Variants in TULP3 observed in about 807,000 individuals in gnomAD.
TULP3 encodes TUB like protein 3, also known as tubby-related protein 3.
A neutral mutation model predicts 50.7 loss-of-function variants in TULP3; 38 were observed. The observed-to-expected ratio is 0.75, with a 90% CI of 0.58 to 0.98. The LOEUF (loss-of-function observed/expected upper bound fraction) is 0.98, where lower values mean the gene tolerates loss of function less well. Ranked by LOEUF, TULP3 falls within the 50% of genes least tolerant of loss-of-function variation. TULP3 has a pLI of 0.00. For synonymous variants in TULP3, 183 were observed against 196.6 expected, an observed-to-expected ratio of 0.93 and a Z score of 0.58; for missense variants, 550 against 568.0, an observed-to-expected ratio of 0.97 and a Z score of 0.32.
At chr12:2,931,737 C>CAAATTAATA (rs2098198172) in intron 6 of TULP3, among the ~76,000 whole-genome samples, 1 of 152,082 alleles carries the variant, frequency 6.6e-6, no homozygotes, top group Non-Finnish European at 1.5e-5. Flanking sequence ...TGTATTAATA[C>CAAATTAATA]CAGGTCTTAA....
chr12:2,906,021 A>AG (rs2153948558), intron 1 of TULP3, among the ~76,000 whole-genome samples: 1 of 86,022 alleles, frequency 1.2e-5, no homozygotes, highest in African/African-American at 5.2e-5. Context: ...GACCCTGTGT[A>AG]AAAAAAAAAA....
Position 2,908,531 on chromosome 12 carries a change from T to C in TULP3, c.42-998T>C, listed in dbSNP as rs1033170795. 1.1e-4 allele frequency among the ~76,000 whole-genome samples: 17 copies of C among 152,268 alleles called. No homozygotes were observed. In the East Asian group the frequency reaches 1.2e-3, roughly 10 times the overall value. Reference sequence around the variant, plus strand: ...TTCTCCACCTCCCCGGTTCAAGCGATTCTCCTGCCTCAGTTCCTGAATAGC... The same window carrying C: ...TTCTCCACCTCCCCGGTTCAAGCGACTCTCCTGCCTCAGTTCCTGAATAGC... On this transcript the variant is annotated intron_variant, in intron 1 of 10. Transcript: ENST00000448120.
chr12:2,902,351 G>A (rs1341819692), intron 1 of TULP3, among the ~76,000 whole-genome samples: 1 of 152,190 alleles, frequency 6.6e-6, no homozygotes, highest in African/African-American at 2.4e-5. Flanking sequence ...AAAGCAACGG[G>A]CTGCTCACAG....
Position 2,939,316 on chromosome 12 carries a change from T to C in TULP3, c.1201T>C (p.Tyr401His), listed in dbSNP as rs570648183. Residue 401 changes from tyrosine to histidine, a missense_variant, in exon 11 of 11, where the codon TAT becomes CAT. Tyr to His is a moderately conservative substitution (Grantham distance 83, BLOSUM62 2). Coordinates refer to ENST00000448120, the MANE Select transcript of TULP3 (RefSeq NM_003324.5). The surrounding 1 kb of genome is among the most constrained non-coding windows in gnomAD (Gnocchi z 4.0). ...TGATTTCTTTCTGTTTCTAGCTGAT[T>C]ATATAGTCATGCAGTTTGGACGTGT... ...FQIVHKNDPD[Y>H]IVMQFGRVAD... 3.7e-6 allele frequency: 6 copies of C among 1,614,080 alleles called. No homozygotes were observed. In the South Asian group the frequency reaches 4.4e-5, roughly 12 times the overall value.
At chr12:2,920,667 T>C in intron 2 of TULP3, 96 bp from the exon 3 acceptor site, 2 of 1,433,896 alleles carry the variant, frequency 1.4e-6, no homozygotes, top group Non-Finnish European at 1.9e-6. Context: ...TACAAGATGT[T>C]TTGTGAGGAT....
At chr12:2,923,952 G>C (rs2098193288) in intron 4 of TULP3, among the ~76,000 whole-genome samples, 1 of 152,134 alleles carries the variant, frequency 6.6e-6, no homozygotes, top group Admixed American at 6.6e-5. Context: ...CTGCACTCCA[G>C]CCTGGGTTAC....
rs540394196 is a variant in TULP3 at position 2,910,694 on chromosome 12, G to A, written c.93+1114G>A. Among the ~76,000 whole-genome samples the A allele has an allele frequency of 3.9e-5, 6 of 152,210 alleles. No homozygotes were observed. The East Asian group carries it at 9.6e-4, about 24-fold the overall frequency. The stretch of plus-strand genomic sequence containing the variant: ...GTCTTCTCTTCTTTATGTGGTTGGT[G>A]GAACTAATAATGGGACTTCTAGCCT... On this transcript the variant is annotated intron_variant, in intron 2 of 10. Coordinates refer to ENST00000448120, the MANE Select transcript of TULP3 (RefSeq NM_003324.5).
At position 2,939,883 on chromosome 12, in the gene TULP3, G is replaced by A. The variant is rs986319406; in HGVS notation, c.*439G>A. 8.1e-7 allele frequency: 1 copy of A among 1,228,738 alleles called. No homozygotes were observed. The highest frequency in any genetic ancestry group is 1.0e-6 in the Non-Finnish European group (1 of 957,092). The allele number at this position is 1,228,738 out of a possible 1,614,324, so 76.1% of individuals were successfully genotyped here. On this transcript the variant is annotated 3_prime_UTR_variant, in exon 11 of 11. Transcript: ENST00000448120. This position sits in a 1 kb window ranked among gnomAD's most constrained non-coding sequence, Gnocchi z 4.0. ...TGAGGGATCACAGCTTAGCATGGGT[G>A]AGAGATGATTTAAAGCACAGGGAGA...
In TULP3 at chr12:2,940,948, A is replaced by G. The variant is rs943334353; in HGVS notation, c.*1504A>G. 9.5e-6 allele frequency: 5 copies of G among 528,238 alleles called. No homozygotes were observed. Among genetic ancestry groups the G allele is most frequent in the African/African-American group, 1.9e-5 (1 of 52,052 alleles). The allele number at this position is 528,238 out of a possible 1,614,324, so 32.7% of individuals were successfully genotyped here. On this transcript the variant is annotated 3_prime_UTR_variant, in exon 11 of 11. Transcript: ENST00000448120. ...ACCCTGGTTGGCCACAGAAGCTATT[A>G]ATACACGACAGCATGTGGGGAAGGA...
intron 6 of TULP3, among the ~76,000 whole-genome samples, chr12:2,932,298 G>A (rs2098198524): frequency 1.3e-5 from 2 of 152,124 alleles, no homozygotes; most frequent in Admixed American, 1.3e-4. Flanking sequence ...GCTATCACAG[G>A]CCAGGTGCGG....
intron 1 of TULP3, among the ~76,000 whole-genome samples, chr12:2,900,839 A>G (rs2098178746): frequency 6.7e-6 from 1 of 149,910 alleles, no homozygotes; most frequent in South Asian, 2.1e-4. Context: ...CCTCCCAAGT[A>G]GCTGGAACTA....
intron 4 of TULP3, 49 bp downstream of exon 4, chr12:2,922,451 T>C (rs772735897): frequency 6.3e-7 from 1 of 1,582,472 alleles, no homozygotes; most frequent in Non-Finnish European, 8.6e-7. Context: ...TACTCAATTG[T>C]AATCTTTTCC....
Position 2,890,923 on chromosome 12 carries a change from GGT to G in TULP3, c.-23_-22del, listed in dbSNP as rs759468438. ...CGACGGCGGGGAAGAGTGTGTACGT[GGT>G]GGGGGCTTCCTCGGTGGCGGGCATG... On this transcript the variant is annotated 5_prime_UTR_variant, in exon 1 of 11. Coordinates refer to ENST00000448120, the MANE Select transcript of TULP3 (RefSeq NM_003324.5). 2 of 1,590,240 alleles carry G rather than the reference GGT, an allele frequency of 1.3e-6. No homozygotes were observed. Among genetic ancestry groups the G allele is most frequent in the African/African-American group, 2.7e-5 (2 of 73,884 alleles).
Position 2,939,654 on chromosome 12 carries a change from A to G in TULP3, c.*210A>G, listed in dbSNP as rs1274145409. 7.1e-7 allele frequency: 1 copy of G among 1,409,766 alleles called. No individual in the cohort carries two copies. The highest frequency in any genetic ancestry group is 9.2e-7 in the Non-Finnish European group (1 of 1,085,710). 87.3% of individuals were successfully genotyped at this position (1,409,766 alleles called of 1,614,324 possible). A position where few individuals can be genotyped will look rare whatever the true frequency, so the allele number is the denominator to read the frequency against. On this transcript the variant is annotated 3_prime_UTR_variant, in exon 11 of 11. Transcript: ENST00000448120. The surrounding 1 kb of genome is among the most constrained non-coding windows in gnomAD (Gnocchi z 4.0). ...ATATAAAACACACACACGAAGAGCAATAGTTTGCCCCTTTTGGAACGACCC... is the reference window on the plus strand; with the variant it reads ...ATATAAAACACACACACGAAGAGCAGTAGTTTGCCCCTTTTGGAACGACCC...
rs952210913 is a variant in TULP3, at chr12:2,937,615, T to C, written c.925-16T>C. 2 of 1,589,698 alleles carry C rather than the reference T, an allele frequency of 1.3e-6. No individual in the cohort carries two copies. Among genetic ancestry groups the C allele is most frequent in the Non-Finnish European group, 8.6e-7 (1 of 1,161,776 alleles). Reference sequence around the variant, plus strand: ...TTTCCTGTTTCCAAGTTCTGCTTTGTTTTCCTATCTTCCAGGAAACAAACG... The same window carrying C: ...TTTCCTGTTTCCAAGTTCTGCTTTGCTTTCCTATCTTCCAGGAAACAAACG... On this transcript the variant is annotated splice_polypyrimidine_tract_variant and intron_variant, in intron 8 of 10. Transcript: ENST00000448120.
In TULP3 at chr12:2,920,890, GTCA is replaced by G. The variant is rs1402021887; in HGVS notation, c.223_225del (p.His75del). The G allele has an allele frequency of 6.2e-7, 1 of 1,614,138 alleles. No homozygotes were observed. Among genetic ancestry groups the G allele is most frequent in the South Asian group, 1.1e-5 (1 of 91,080 alleles). ...GATGAGCAGACTCCCTTGGTGAACT[GTCA>G]TACTCCCCACAGCAATGTCATCTTA... On this transcript the variant is annotated inframe_deletion, in exon 3 of 11. Transcript: ENST00000448120.
chr12:2,929,644 AC>A (rs2098196752), intron 4 of TULP3, among the ~76,000 whole-genome samples: 1 of 151,658 alleles, frequency 6.6e-6, no homozygotes, highest in Non-Finnish European at 1.5e-5. Context: ...AGGCTATAGT[AC>A]AGTGGCACAG....
At chr12:2,928,709 A>G (rs2098196062) in intron 4 of TULP3, among the ~76,000 whole-genome samples, 2 of 151,568 alleles carry the variant, frequency 1.3e-5, no homozygotes, top group Non-Finnish European at 2.9e-5. Flanking sequence ...TTGTGAGGCC[A>G]AGGTGGGCAG....
intron 1 of TULP3, among the ~76,000 whole-genome samples, chr12:2,902,474 G>C (rs2098179826): frequency 6.6e-6 from 1 of 152,168 alleles, no homozygotes; most frequent in African/African-American, 2.4e-5. Context: ...CCAAATTGCA[G>C]TTGAGTGCTG....
Sources: allele counts gnomAD v4.1 joint callset (sites outside exome capture counted in the v4.1 genomes callset), GRCh38; gene constraint gnomAD v4.1.1; non-coding constraint Gnocchi (gnomAD v3.1); transcripts MANE v1.5; gene names NCBI Gene and HGNC (gene_info 2026-07-23, HGNC 2026-07-21).